DNAH2: variants seen among roughly 807,000 people sequenced by gnomAD.
DNAH2 encodes dynein axonemal heavy chain 2.
DNAH2 carries 323 observed loss-of-function variants against 523.5 expected under a neutral mutation model. The observed-to-expected ratio is 0.62, with a 90% confidence interval of 0.56 to 0.68. DNAH2 has a LOEUF of 0.68. Among genes scored for constraint, DNAH2 ranks in the 30% least tolerant of loss-of-function variants. The pLI, the probability that DNAH2 is intolerant of heterozygous loss-of-function variation, is 0.00. For missense variants in DNAH2, 4,907 were observed against 5,701.5 expected (o/e 0.86, Z 4.49); for synonymous variants, 2,093 against 2,177.4 (o/e 0.96, Z 1.08).
At position 7,776,124 on chromosome 17, in the gene DNAH2, A is replaced by G; in HGVS notation, c.4922A>G (p.Lys1641Arg). 6.2e-7 allele frequency: 1 copy of G among 1,613,848 alleles called. No homozygotes were observed. Among genetic ancestry groups the G allele is most frequent in the Non-Finnish European group, 8.5e-7 (1 of 1,179,858 alleles). ...ALRKFLNKRDKWVKEWAGQVV... is the reference protein window; with the variant it reads ...ALRKFLNKRDRWVKEWAGQVV... The stretch of plus-strand genomic sequence containing the variant: ...AGGAAGTTCCTCAACAAGAGGGACA[A>G]ATGGGTGAAGGAGTGGGCTGGCCAG... Residue 1641 changes from lysine to arginine, a missense_variant, in exon 31 of 86, where the codon AAA becomes AGA. This residue lies in a region of DNAH2 where 2,806 missense variants were observed against 3,190.8 expected (regional missense o/e 0.88). Transcript: ENST00000572933.
intron 4 of DNAH2, among the ~76,000 whole-genome samples, chr17:7,728,095 C>G (rs1388948624): frequency 6.6e-6 from 1 of 152,194 alleles, no homozygotes; most frequent in Non-Finnish European, 1.5e-5. Context: ...AATTTGGCCG[C>G]TATCCCAGAG....
chr17:7,830,657 G>A lies in DNAH2; in HGVS notation c.12046-1G>A. 6.2e-7 allele frequency: 1 copy of A among 1,614,148 alleles called. No individual in the cohort carries two copies. Among genetic ancestry groups the A allele is most frequent in the Non-Finnish European group, 8.5e-7 (1 of 1,180,008 alleles). On this transcript the variant is annotated splice_acceptor_variant, in intron 78 of 85. Coordinates refer to ENST00000572933, the MANE Select transcript of DNAH2 (RefSeq NM_020877.5). LOFTEE classifies it high-confidence loss of function. ...GGGGCTTGGGCTGGGATCATGCCTA[G>A]GTGTCAGAAAACTTGCTGAGCCTCT... is the stretch of plus-strand genomic sequence containing the variant.
chr17:7,737,011 G>A, intron 7 of DNAH2, 56 bp from the exon 8 acceptor site: 1 of 1,433,278 alleles, frequency 7.0e-7, no homozygotes. Context: ...AAGCACTTGT[G>A]TTGAATCAGT....
Position 7,824,703 on chromosome 17 carries a change from C to G in DNAH2, c.11829C>G (p.Ile3943Met). The change falls in exon 77 of 86, where the codon ATC becomes ATG. Residue 3943 changes from isoleucine to methionine, a missense_variant. By Grantham distance (10) the Ile-to-Met change is conservative. Around this residue, in one of 3 missense-constraint regions of DNAH2, gnomAD observed 1,851 missense variants for 2,139.4 expected, o/e 0.87. Coordinates refer to ENST00000572933, the MANE Select transcript of DNAH2 (RefSeq NM_020877.5). ...DFPISILQVSIKMTTEPPKGL... is the reference protein window; with the variant it reads ...DFPISILQVSMKMTTEPPKGL... ...CTATCTCAATCTTGCAGGTCAGCAT[C>G]AAGATGACCACAGAGCCACCAAAGG... 6.3e-7 allele frequency: 1 copy of G among 1,584,726 alleles called. No individual in the cohort carries two copies. Among genetic ancestry groups the G allele is most frequent in the Non-Finnish European group, 8.6e-7 (1 of 1,160,840 alleles).
chr17:7,786,157 A>G lies in DNAH2; in HGVS notation c.6163A>G (p.Met2055Val), dbSNP rs1229831398. ...GACCGTTGAGCAGGAGATTCGAGAC[A>G]TGGGCCTGCAAAGCACGCCGTTCAC... ...RETVEQEIRD[M>V]GLQSTPFTLT... is the part of the protein sequence containing the mutation. Residue 2055 changes from methionine (M) to valine (V), a missense_variant, in exon 40 of 86, where the codon ATG becomes GTG. Around this residue, in one of 3 missense-constraint regions of DNAH2, gnomAD observed 2,806 missense variants for 3,190.8 expected, o/e 0.88. Transcript: ENST00000572933. The surrounding 1 kb of genome is among the most constrained non-coding windows in gnomAD (Gnocchi z 7.5). The G allele has an allele frequency of 1.9e-6, 3 of 1,613,930 alleles. No individual in the cohort carries two copies. The highest frequency in any genetic ancestry group is 1.1e-5 in the South Asian group (1 of 91,076).
chr17:7,774,917 G>A lies in DNAH2; in HGVS notation c.4660G>A (p.Ala1554Thr). The change falls in exon 29 of 86, where the codon GCT becomes ACT. Residue 1554 changes from alanine (A) to threonine (T), a missense_variant. Ala to Thr is a moderately conservative substitution (Grantham distance 58). Transcript: ENST00000572933. ...TCTGGGCCAGTCCCGAAACCCAGAG[G>A]CTGTGCAGCCACACCTCAAAAAATG... ...EILGQSRNPE[A>T]VQPHLKKCFD... 1.2e-6 allele frequency: 2 copies of A among 1,614,192 alleles called. No homozygotes were observed. The highest frequency in any genetic ancestry group is 1.1e-5 in the South Asian group (1 of 91,078).
rs1172508666 is a variant in DNAH2, at chr17:7,747,158, G to T, written c.1904+4016G>T. On this transcript the variant is annotated intron_variant, in intron 12 of 85. Transcript: ENST00000572933. ...ATTTTTGCAACTTGCCTTTTTTTTTGAATGTGGAGACAGGGTCTTGCTATG... is the reference window on the plus strand; with the variant it reads ...ATTTTTGCAACTTGCCTTTTTTTTTTAATGTGGAGACAGGGTCTTGCTATG... Among the ~76,000 whole-genome samples, 7 of 150,650 alleles carry T rather than the reference G, an allele frequency of 4.6e-5. No individual in the cohort carries two copies. The East Asian group carries it at 1.2e-3, about 25-fold the overall frequency.
At chr17:7,789,038 C>T (rs905649978) in intron 44 of DNAH2, among the ~76,000 whole-genome samples, 2 of 152,140 alleles carry the variant, frequency 1.3e-5, no homozygotes, top group African/African-American at 2.4e-5. Flanking sequence ...GTGGCACGTG[C>T]CTGTAGTCCC....
At chr17:7,731,682 T>C (rs541897793) in intron 4 of DNAH2, among the ~76,000 whole-genome samples, 5 of 152,310 alleles carry the variant, frequency 3.3e-5, no homozygotes, top group Middle Eastern at 6.8e-3. Flanking sequence ...GTTTCAATTA[T>C]TTATATTTAA....
Position 7,801,633 on chromosome 17 carries a change from TCA to T in DNAH2, c.8756_8757del (p.Ser2919Ter). ...LVNCTTINWF[S>X]EWPQEALLEV... ...GAACTGCACAACCATCAACTGGTTC[TCA>T]GAGTGGCCCCAAGAGGCCCTGCTCG... is the stretch of plus-strand genomic sequence containing the variant. On this transcript the variant is annotated frameshift_variant, in exon 57 of 86. Coordinates refer to ENST00000572933, the MANE Select transcript of DNAH2 (RefSeq NM_020877.5). LOFTEE classifies it high-confidence loss of function. 1 of 1,614,176 alleles carries T rather than the reference TCA, an allele frequency of 6.2e-7. No homozygotes were observed. The highest frequency in any genetic ancestry group is 8.5e-7 in the Non-Finnish European group (1 of 1,180,030).
chr17:7,774,630 G>A (rs142708131), intron 28 of DNAH2, 129 bp from the exon 29 acceptor site: 154 of 736,496 alleles, frequency 2.1e-4, no homozygotes, highest in East Asian at 1.3e-3. Flanking sequence ...ACTTCTCTGC[G>A]TCCAGAAACC....
chr17:7,830,223 C>A (rs2078130996), intron 77 of DNAH2, 77 bp from the exon 78 acceptor site: 1 of 1,494,702 alleles, frequency 6.7e-7, no homozygotes, highest in Admixed American at 1.9e-5. Context: ...AGAACCTCCA[C>A]AACTGTACAT....
In DNAH2 at chr17:7,760,254, A is replaced by G. The variant is rs151141643; in HGVS notation, c.2785+316A>G. Among the ~76,000 whole-genome samples, 1,664 of 152,080 alleles carry G rather than the reference A, an allele frequency of 0.011. 80 individuals carry two copies. In the East Asian group the frequency reaches 0.16, roughly 14 times the overall value. On this transcript the variant is annotated intron_variant, in intron 17 of 85. Transcript: ENST00000572933. The surrounding 1 kb of genome is among the most constrained non-coding windows in gnomAD (Gnocchi z 4.0). Reference sequence around the variant, plus strand: ...ATGGTGGCGGGTGCCTATAATCCCAACTACTCAGGAGGCTGAGGCAAAGAA... The same window carrying G: ...ATGGTGGCGGGTGCCTATAATCCCAGCTACTCAGGAGGCTGAGGCAAAGAA...
At chr17:7,789,156 ACT>A (rs2076827037) in intron 44 of DNAH2, among the ~76,000 whole-genome samples, 1 of 139,638 alleles carries the variant, frequency 7.2e-6, no homozygotes, top group South Asian at 2.4e-4. Flanking sequence ...ACAGAGCAAG[ACT>A]CTGTCTCAAA....
intron 11 of DNAH2, among the ~76,000 whole-genome samples, chr17:7,742,348 T>C (rs1206023060): frequency 2.6e-5 from 4 of 152,114 alleles, no homozygotes; most frequent in Non-Finnish European, 5.9e-5. Context: ...GGACAATTGC[T>C]TGAACCCTGG....
intron 58 of DNAH2, among the ~76,000 whole-genome samples, chr17:7,802,999 T>G (rs1210301323): frequency 6.6e-6 from 1 of 152,086 alleles, no homozygotes; most frequent in African/African-American, 2.4e-5. Context: ...TGATCCTCTG[T>G]TGGTTGAATC....
chr17:7,758,792 C>T, intron 14 of DNAH2, 93 bp from the exon 15 acceptor site: 1 of 1,572,372 alleles, frequency 6.4e-7, no homozygotes, highest in East Asian at 2.3e-5. Flanking sequence ...TGTGTGTCAT[C>T]CAGTCTAGCT....
At position 7,816,673 on chromosome 17, in the gene DNAH2, C is replaced by A; in HGVS notation, c.9832C>A (p.Arg3278=). Residue 3278 remains arginine (R), a synonymous_variant, in exon 64 of 86, where the codon CGA becomes AGA. Coordinates refer to ENST00000572933, the MANE Select transcript of DNAH2 (RefSeq NM_020877.5). ...TGAAGAGATGGAGCTGAAGCTGGAG[C>A]GAGCTGGGATGCTCGTGTCGGGGTT... is the stretch of plus-strand genomic sequence containing the variant. The part of the protein sequence containing the change: ...KSEEMELKLE[R]AGMLVSGLAG... The A allele has an allele frequency of 6.2e-7, 1 of 1,614,194 alleles. No individual in the cohort carries two copies. The highest frequency in any genetic ancestry group is 8.5e-7 in the Non-Finnish European group (1 of 1,180,032).
At chr17:7,756,833 G>A (rs925941559) in intron 12 of DNAH2, among the ~76,000 whole-genome samples, 4 of 151,972 alleles carry the variant, frequency 2.6e-5, no homozygotes, top group Admixed American at 6.6e-5. Flanking sequence ...ACTGCGCCCG[G>A]CTAATTTTTG....
Sources: allele counts gnomAD v4.1 joint callset (sites outside exome capture counted in the v4.1 genomes callset), GRCh38; gene constraint gnomAD v4.1.1; regional missense constraint gnomAD v4.1.1; non-coding constraint Gnocchi (gnomAD v3.1); transcripts MANE v1.5; gene names NCBI Gene and HGNC (gene_info 2026-07-23, HGNC 2026-07-21).